SNX29: variants seen among roughly 807,000 people sequenced by gnomAD.
SNX29 encodes sorting nexin 29, also known as sorting nexin-29.
Under a neutral mutation model 102.1 loss-of-function variants are expected in SNX29, and 78 were observed. The observed-to-expected ratio is 0.76, with a 90% confidence interval of 0.64 to 0.92. The LOEUF (loss-of-function observed/expected upper bound fraction) is 0.92, where lower values mean the gene tolerates loss of function less well. Among genes scored for constraint, SNX29 ranks in the 40% least tolerant of loss-of-function variants. SNX29 has a pLI of 0.00. For missense variants in SNX29, 1,280 were observed against 1,061.7 expected (o/e 1.21, Z -2.86); for synonymous variants, 580 against 414.5 (o/e 1.40, Z -4.85).
At chr16:12,393,325 A>C (rs2151476217) in intron 16 of SNX29, among the ~76,000 whole-genome samples, 1 of 145,524 alleles carries the variant, frequency 6.9e-6, no homozygotes, top group South Asian at 2.2e-4. Flanking sequence ...TGAATTTGCT[A>C]CAAAGCAATC....
intron 20 of SNX29, chr16:12,557,812 G>A (rs185443896): frequency 1.7e-3 from 252 of 152,330 alleles, no homozygotes; most frequent in Admixed American, 6.9e-3. Context: ...TATCATATCT[G>A]CAGTCTGTTG....
chr16:12,569,118 T>TG lies in SNX29; in HGVS notation c.*489_*490insG. The TG allele has an allele frequency of 4.7e-5, 1 of 21,380 alleles. No homozygotes were observed. Among genetic ancestry groups the TG allele is most frequent in the Non-Finnish European group, 8.9e-5 (1 of 11,202 alleles). The allele number at this position is 21,380 out of a possible 1,614,324, so 1.3% of individuals were successfully genotyped here. A position where few individuals can be genotyped will look rare whatever the true frequency, so the allele number is the denominator to read the frequency against. On this transcript the variant is annotated 3_prime_UTR_variant, in exon 21 of 21. Transcript: ENST00000566228. Reference sequence around the variant, plus strand: ...CTGGCCTAACCTAGGGATGGCTGGCTTTGCGGGGGGGGGGGGGGGGGGGGG... The same window carrying TG: ...CTGGCCTAACCTAGGGATGGCTGGCTGTTGCGGGGGGGGGGGGGGGGGGGGG...
chr16:12,007,988 G>C (rs142487648), intron 3 of SNX29, among the ~76,000 whole-genome samples: 1 of 152,032 alleles, frequency 6.6e-6, no homozygotes, highest in Non-Finnish European at 1.5e-5. Flanking sequence ...CTGTCACCCA[G>C]GCCGGAGTGC....
intron 15 of SNX29, among the ~76,000 whole-genome samples, chr16:12,325,416 T>C (rs1417673366): frequency 6.6e-6 from 1 of 152,216 alleles, no homozygotes; most frequent in Non-Finnish European, 1.5e-5. Flanking sequence ...TGAAGGTTAA[T>C]TGTGATTCCG....
intron 11 of SNX29, among the ~76,000 whole-genome samples, chr16:12,103,090 C>T (rs574665087): frequency 2.0e-5 from 3 of 152,070 alleles, no homozygotes; most frequent in Non-Finnish European, 4.4e-5. Flanking sequence ...CATGCTCATG[C>T]ATAGGTAGAA....
intron 11 of SNX29, among the ~76,000 whole-genome samples, chr16:12,112,643 C>T (rs2053544276): frequency 6.6e-6 from 1 of 152,184 alleles, no homozygotes; most frequent in South Asian, 2.1e-4. Flanking sequence ...GTCCAGGTCT[C>T]TTCTGGCAAG....
At chr16:11,977,833 C>T (rs1482248664) in intron 1 of SNX29, 1 of 152,244 alleles carries the variant, frequency 6.6e-6, no homozygotes, top group Admixed American at 6.5e-5. Context: ...AGGGAAGCCT[C>T]TCAGCTCTCC....
chr16:12,424,208 G>A (rs1597332381), intron 18 of SNX29, among the ~76,000 whole-genome samples: 2 of 152,178 alleles, frequency 1.3e-5, no homozygotes, highest in East Asian at 3.9e-4. Context: ...CTCTATCACG[G>A]GTAAAATGAA....
At chr16:12,388,992 G>A (rs187556341) in intron 16 of SNX29, among the ~76,000 whole-genome samples, 163 of 152,272 alleles carry the variant, frequency 1.1e-3, no homozygotes, top group Non-Finnish European at 1.6e-3. Flanking sequence ...CCTCAGACCT[G>A]CCGCTTAAAC....
rs1055161953 is a variant in SNX29 at position 12,009,171 on chromosome 16, G to A, written c.122+6128G>A. ...ACAGGTGTATGTAACTGAACAAAGT[G>A]AGTCAAATTCAAGACAAATAAGTAA... On this transcript the variant is annotated intron_variant, in intron 3 of 20. Transcript: ENST00000566228. Among the ~76,000 whole-genome samples the A allele has an allele frequency of 2.6e-5, 4 of 152,206 alleles. No individual in the cohort carries two copies. In the South Asian group the frequency reaches 8.3e-4, roughly 32 times the overall value.
In SNX29 at chr16:12,513,329, G is replaced by GCCTGCCCTGC. The variant is rs368518698; in HGVS notation, c.2179-11362_2179-11353dup. On this transcript the variant is annotated intron_variant, in intron 19 of 20. Transcript: ENST00000566228. The stretch of plus-strand genomic sequence containing the variant: ...CCTCTCCCCTTCTCTCCCTTCCCCT[G>GCCTGCCCTGC]CCTGCCCTGCCCTGCCCTGCTCTCT... 1.3e-3 allele frequency among the ~76,000 whole-genome samples: 154 copies of GCCTGCCCTGC among 117,826 alleles called. 2 individuals are homozygous for GCCTGCCCTGC. The highest frequency in any genetic ancestry group is 5.1e-3 in the African/African-American group (146 of 28,448). The allele number at this position is 117,826 out of a possible 152,430, so 77.3% of individuals were successfully genotyped here.
In SNX29 at chr16:12,180,928, C is replaced by G. The variant is rs1237369671; in HGVS notation, c.1596-18673C>G. On this transcript the variant is annotated intron_variant, in intron 13 of 20. Coordinates refer to ENST00000566228, the MANE Select transcript of SNX29 (RefSeq NM_032167.5). ...TCTGAGCTTTCCTGGCTCTTATCCCCCATTTCATCTGGATCTTCTTTTTCC... is the reference window on the plus strand; with the variant it reads ...TCTGAGCTTTCCTGGCTCTTATCCCGCATTTCATCTGGATCTTCTTTTTCC... Among the ~76,000 whole-genome samples, 7 of 152,280 alleles carry G rather than the reference C, an allele frequency of 4.6e-5. No individual in the cohort carries two copies. The East Asian group carries it at 1.3e-3, about 29-fold the overall frequency.
chr16:12,017,554 T>C (rs1206313587), intron 3 of SNX29, among the ~76,000 whole-genome samples: 7 of 152,254 alleles, frequency 4.6e-5, no homozygotes, highest in Admixed American at 4.6e-4. Flanking sequence ...AAATTTTATG[T>C]AATTAATTCT....
chr16:12,507,691 A>C (rs2089438737), intron 19 of SNX29, among the ~76,000 whole-genome samples: 1 of 152,036 alleles, frequency 6.6e-6, no homozygotes, highest in Non-Finnish European at 1.5e-5. Flanking sequence ...CTGATTTTTT[A>C]CTTTCCTTCT....
chr16:12,559,962 G>C (rs116723186), intron 20 of SNX29, among the ~76,000 whole-genome samples: 2 of 152,174 alleles, frequency 1.3e-5, no homozygotes, highest in South Asian at 2.1e-4. Context: ...CTGGGCAACA[G>C]AGCAAGACTC....
At chr16:12,199,818 C>G (rs2076869191) in intron 14 of SNX29, 135 bp downstream of exon 14, 1 of 714,394 alleles carries the variant, frequency 1.4e-6, no homozygotes, top group East Asian at 2.8e-5. Context: ...GCTCAGCGTT[C>G]CAGAAAATTA....
At chr16:12,120,533 C>G (rs994996018) in intron 11 of SNX29, among the ~76,000 whole-genome samples, 2 of 152,286 alleles carry the variant, frequency 1.3e-5, no homozygotes, top group African/African-American at 4.8e-5. Flanking sequence ...TAATTCCCCC[C>G]CTGGGGGCCT....
At chr16:12,556,785 T>C (rs2078379388) in intron 20 of SNX29, among the ~76,000 whole-genome samples, 3 of 151,870 alleles carry the variant, frequency 2.0e-5, no homozygotes, top group Non-Finnish European at 2.9e-5. Flanking sequence ...AGCATTGGAG[T>C]CAACAGTTGC....
intron 18 of SNX29, among the ~76,000 whole-genome samples, chr16:12,472,446 G>C (rs568035053): frequency 6.6e-6 from 1 of 151,058 alleles, no homozygotes; most frequent in East Asian, 1.9e-4. Context: ...TTGAACCTGG[G>C]AGGTGGAGGT....
Sources: allele counts gnomAD v4.1 joint callset (sites outside exome capture counted in the v4.1 genomes callset), GRCh38; gene constraint gnomAD v4.1.1; transcripts MANE v1.5; gene names NCBI Gene and HGNC (gene_info 2026-07-23, HGNC 2026-07-21).